NBPF3: variants seen among roughly 807,000 people sequenced by gnomAD.
NBPF3 encodes NBPF member 3, also known as NBPF family member NBPF3.
NBPF3 carries 57 observed loss-of-function variants against 78.1 expected under a neutral mutation model. That is an observed-to-expected ratio of 0.73 (90% CI 0.59 to 0.91). The LOEUF is 0.91. Among genes scored for constraint, NBPF3 ranks in the 40% least tolerant of loss-of-function variants. The pLI, the probability that NBPF3 is intolerant of heterozygous loss-of-function variation, is 0.00. For synonymous variants in NBPF3, 182 were observed against 271.7 expected (o/e 0.67, Z 3.25); for missense variants, 510 against 715.3 (o/e 0.71, Z 3.27).
chr1:21,461,507 T>C (rs1641948909), intron 2 of NBPF3, among the ~76,000 whole-genome samples: 1 of 152,210 alleles, frequency 6.6e-6, no homozygotes, highest in Admixed American at 6.5e-5. Context: ...AGTCTCACTC[T>C]GTCCCCCAGT....
chr1:21,471,384 A>G (rs1308700544), intron 4 of NBPF3, among the ~76,000 whole-genome samples, 185 bp from the exon 5 acceptor site: 2 of 152,208 alleles, frequency 1.3e-5, no homozygotes, highest in Non-Finnish European at 2.9e-5. Flanking sequence ...CCTCTCTCAT[A>G]CAGAGGAAGC....
Position 21,483,425 on chromosome 1 carries a change from C to T in NBPF3, c.*39C>T, listed in dbSNP as rs766331548. 3.2e-5 allele frequency: 20 copies of T among 629,188 alleles called. No homozygotes were observed. The South Asian group carries it at 4.1e-4, about 13-fold the overall frequency. The allele number at this position is 629,188 out of a possible 1,614,324, so 39.0% of individuals were successfully genotyped here. ...AGCTGAGAGATGTCATTGCTGCAGG[C>T]AGGACGTATAGGCACATGTAGGTTT... On this transcript the variant is annotated 3_prime_UTR_variant, in exon 15 of 15. Transcript: ENST00000318249.
intron 2 of NBPF3, among the ~76,000 whole-genome samples, chr1:21,457,354 A>ATATATATATGTATGTG (rs1413936661): frequency 6.9e-5 from 10 of 145,722 alleles, no homozygotes; most frequent in East Asian, 2.0e-4. Context: ...GTGTGTATAT[A>ATATATATATGTATGTG]TATATATATG....
intron 2 of NBPF3, among the ~76,000 whole-genome samples, chr1:21,452,218 C>T (rs181252912): frequency 1.3e-5 from 2 of 152,308 alleles, no homozygotes; most frequent in East Asian, 3.9e-4. Context: ...TGTCTGTCCC[C>T]TCCCTTTATA....
chr1:21,475,334 A>T (rs572856136), intron 8 of NBPF3, among the ~76,000 whole-genome samples: 16 of 152,204 alleles, frequency 1.1e-4, no homozygotes, highest in African/African-American at 3.9e-4. Context: ...TTGCTTCTCT[A>T]GTTCTTTTAA....
At position 21,468,780 on chromosome 1, in the gene NBPF3, A is replaced by C; in HGVS notation, c.226A>C (p.Ile76Leu). The C allele has an allele frequency of 1.2e-6, 2 of 1,614,030 alleles. No individual in the cohort carries two copies. The highest frequency in any genetic ancestry group is 1.7e-6 in the Non-Finnish European group (2 of 1,179,912). ...GAAGGCAGAGATGAACATTCTAGAA[A>C]TCAACAAGAAATCGCGCCCCCAGCT... Reference protein sequence around the residue: ...GEKAEMNILEINKKSRPQLAE... With the variant: ...GEKAEMNILELNKKSRPQLAE... The change falls in exon 3 of 15, where the codon ATC becomes CTC. Residue 76 changes from isoleucine to leucine, a missense_variant. Around this residue, in one of 5 missense-constraint regions of NBPF3, gnomAD observed 440 missense variants for 478.2 expected, o/e 0.92. Coordinates refer to ENST00000318249, the MANE Select transcript of NBPF3 (RefSeq NM_032264.6).
Position 21,468,885 on chromosome 1 carries a change from C to G in NBPF3, c.331C>G (p.Gln111Glu), listed in dbSNP as rs758816816. ...AGTGGCCTACTTCCTGGCCAACCGG[C>G]AAAATAATTACGGTAAGTTCTATAG... ...TQVAYFLANRQNNYDYEDCKD... is the reference protein window; with the variant it reads ...TQVAYFLANRENNYDYEDCKD... Residue 111 changes from glutamine (Q) to glutamate (E), a missense_variant, in exon 3 of 15, where the codon CAA (glutamine) becomes GAA (glutamate). Gln to Glu is a conservative substitution (Grantham distance 29). This residue lies in a region of NBPF3 where 440 missense variants were observed against 478.2 expected (regional missense o/e 0.92). Transcript: ENST00000318249. The G allele has an allele frequency of 1.2e-6, 2 of 1,613,384 alleles. No individual in the cohort carries two copies. The highest frequency in any genetic ancestry group is 4.5e-5 in the East Asian group (2 of 44,872).
intron 2 of NBPF3, 72 bp downstream of exon 2, chr1:21,445,291 G>A (rs1569919252): frequency 6.5e-7 from 1 of 1,534,850 alleles, no homozygotes; most frequent in East Asian, 2.3e-5. Flanking sequence ...CAGATGTGAA[G>A]GGAAGATGTC....
upstream of NBPF3, among the ~76,000 whole-genome samples, chr1:21,438,881 G>C (rs1367596027): frequency 6.6e-6 from 1 of 152,236 alleles, no homozygotes; most frequent in Non-Finnish European, 1.5e-5. Context: ...GCCCAGAGCA[G>C]ATTAGAAATA....
chr1:21,453,449 T>C (rs1464576608), intron 2 of NBPF3: 1 of 152,208 alleles, frequency 6.6e-6, no homozygotes, highest in Non-Finnish European at 1.5e-5. Context: ...AACAGCGGCA[T>C]GCGTGTAAAG....
At chr1:21,477,829 C>T (rs191390971) in intron 8 of NBPF3, among the ~76,000 whole-genome samples, 32 of 152,282 alleles carry the variant, frequency 2.1e-4, no homozygotes, top group African/African-American at 7.2e-4. Context: ...CCAATTTAGA[C>T]GAAGTAGTTG....
At chr1:21,468,560 G>A (rs1360433805) in intron 2 of NBPF3, 128 bp from the exon 3 acceptor site, 17 of 1,567,590 alleles carry the variant, frequency 1.1e-5, no homozygotes, top group Admixed American at 5.6e-5. Flanking sequence ...AAAGTGCTGC[G>A]GGGACTGATC....
At chr1:21,469,128 T>G (rs1297439411) in intron 3 of NBPF3, among the ~76,000 whole-genome samples, 2 of 152,172 alleles carry the variant, frequency 1.3e-5, no homozygotes, top group Non-Finnish European at 2.9e-5. Flanking sequence ...AAAATCGCAG[T>G]TATTCATTTG....
chr1:21,473,667 T>C, intron 7 of NBPF3, 82 bp downstream of exon 7: 2 of 1,204,710 alleles, frequency 1.7e-6, no homozygotes, highest in Middle Eastern at 2.0e-4. Flanking sequence ...TACACACAGA[T>C]TGGTTTTAAT....
chr1:21,442,681 T>TC (rs1012907768), intron 1 of NBPF3, among the ~76,000 whole-genome samples: 2 of 151,254 alleles, frequency 1.3e-5, no homozygotes, highest in African/African-American at 2.4e-5. Flanking sequence ...TTTTTTTTTT[T>TC]CAGACAGGGC....
At chr1:21,467,707 T>C (rs1396854218) in intron 2 of NBPF3, among the ~76,000 whole-genome samples, 3 of 152,186 alleles carry the variant, frequency 2.0e-5, no homozygotes, top group Non-Finnish European at 4.4e-5. Context: ...TGGTCACACA[T>C]GTGTTCAGGA....
chr1:21,456,341 T>C (rs1209443729), intron 2 of NBPF3, among the ~76,000 whole-genome samples: 1 of 152,210 alleles, frequency 6.6e-6, no homozygotes, highest in Non-Finnish European at 1.5e-5. Flanking sequence ...ATAGACCACA[T>C]ATGCTGAGCC....
intron 2 of NBPF3, among the ~76,000 whole-genome samples, chr1:21,464,823 C>T (rs1231149120): frequency 1.3e-5 from 2 of 151,648 alleles, no homozygotes; most frequent in Non-Finnish European, 2.9e-5. Flanking sequence ...GCCTGAGCAA[C>T]ATAGCAAGAC....
chr1:21,455,028 GTTTTCTTGCTGGCTGTC>G (rs1641518951), intron 2 of NBPF3, among the ~76,000 whole-genome samples: 1 of 152,152 alleles, frequency 6.6e-6, no homozygotes, highest in Non-Finnish European at 1.5e-5. Context: ...TGAGATCTCT[GTTTTCTTGCTGGCTGTC>G]AGCCAGGGGC....
Sources: gnomAD v4.1 joint callset for allele counts (sites outside exome capture counted in the v4.1 genomes callset) on GRCh38, gnomAD v4.1.1 for gene constraint, gnomAD v4.1.1 regional missense constraint, MANE v1.5 for transcripts, NCBI Gene and HGNC (gene_info 2026-07-23, HGNC 2026-07-21) for gene names.